TSHZ2: variants seen among roughly 807,000 people sequenced by gnomAD.
The protein encoded by TSHZ2 is teashirt zinc finger homeobox 2, also known as teashirt homolog 2.
A neutral mutation model predicts 74.4 loss-of-function variants in TSHZ2; 21 were observed. The observed-to-expected ratio is 0.28, with a 90% CI of 0.20 to 0.41. TSHZ2 has a LOEUF of 0.41. Ranked by LOEUF, TSHZ2 falls within the 10% of genes least tolerant of loss-of-function variation. The pLI is 1.00. For synonymous variants in TSHZ2, 540 were observed against 515.3 expected (o/e 1.05, Z -0.65); for missense variants, 1,244 against 1,293.5 (o/e 0.96, Z 0.59).
intron 1 of TSHZ2, among the ~76,000 whole-genome samples, chr20:53,175,327 A>G (rs886956449): frequency 1.3e-5 from 2 of 151,152 alleles, no homozygotes; most frequent in Non-Finnish European, 2.9e-5. Context: ...TTTTTAGTAG[A>G]GACTGGGTTT....
Position 53,255,710 on chromosome 20 carries a change from G to A in TSHZ2, c.2252G>A (p.Ser751Asn), listed in dbSNP as rs757282454. ...AGTCCTGCCTCCACAAGGTCAGCCA[G>A]CGTGTCCAGGCGCTACCTGTTTGAG... ...VLSPASTRSA[S>N]VSRRYLFENS... Residue 751 changes from serine (S) to asparagine (N), a missense_variant, in exon 2 of 3, where the codon AGC (serine) becomes AAC (asparagine). Ser to Asn is a conservative substitution (Grantham distance 46). This residue lies in a region of TSHZ2 where 562 missense variants were observed against 544.0 expected (regional missense o/e 1.03). Coordinates refer to ENST00000371497, the MANE Select transcript of TSHZ2 (RefSeq NM_173485.6). This position sits in a 1 kb window ranked among gnomAD's most constrained non-coding sequence, Gnocchi z 4.1. 7 of 1,605,540 alleles carry A rather than the reference G, an allele frequency of 4.4e-6. No individual in the cohort carries two copies. Among genetic ancestry groups the A allele is most frequent in the Non-Finnish European group, 5.1e-6 (6 of 1,175,946 alleles).
intron 2 of TSHZ2, among the ~76,000 whole-genome samples, chr20:53,457,904 G>A (rs1344345526): frequency 1.3e-5 from 2 of 149,690 alleles, no homozygotes; most frequent in African/African-American, 2.4e-5. Context: ...TCCCAGGGAT[G>A]AAGCCCACTT....
At chr20:53,026,509 G>A (rs536033633) in intron 1 of TSHZ2, among the ~76,000 whole-genome samples, 1 of 151,970 alleles carries the variant, frequency 6.6e-6, no homozygotes, top group East Asian at 1.9e-4. Context: ...ACATCACCAC[G>A]TCCAGCTAAT....
Position 53,254,222 on chromosome 20 carries a change from A to C in TSHZ2, c.764A>C (p.Tyr255Ser). The C allele has an allele frequency of 6.2e-7, 1 of 1,614,184 alleles. No homozygotes were observed. The highest frequency in any genetic ancestry group is 8.5e-7 in the Non-Finnish European group (1 of 1,180,028). Residue 255 changes from tyrosine to serine, a missense_variant, in exon 2 of 3, where the codon TAT becomes TCT. This residue lies in a region of TSHZ2 where 470 missense variants were observed against 456.5 expected (regional missense o/e 1.03). Coordinates refer to ENST00000371497, the MANE Select transcript of TSHZ2 (RefSeq NM_173485.6). ...RKKDKLRPTS[Y>S]SKPRKRAFQD... Reference sequence around the variant, plus strand: ...AAGGACAAGCTCAGACCCACGAGCTATTCAAAGCCCAGGAAAAGGGCTTTC... The same window carrying C: ...AAGGACAAGCTCAGACCCACGAGCTCTTCAAAGCCCAGGAAAAGGGCTTTC...
intron 2 of TSHZ2, among the ~76,000 whole-genome samples, chr20:53,384,408 C>T (rs156623): frequency 0.9 from 136,874 of 152,278 alleles, 61,717 homozygotes; most frequent in African/African-American, 0.95. Context: ...AAATTAAGAT[C>T]CGAATACAGC....
chr20:53,140,374 A>C (rs1987359776), intron 1 of TSHZ2, among the ~76,000 whole-genome samples: 1 of 151,752 alleles, frequency 6.6e-6, no homozygotes, highest in South Asian at 2.1e-4. Flanking sequence ...CCCTGTCTCT[A>C]CTAAAAATAC....
At chr20:53,101,968 G>T (rs6013629) in intron 1 of TSHZ2, among the ~76,000 whole-genome samples, 7,620 of 148,254 alleles carry the variant, frequency 0.051, 342 homozygotes, top group African/African-American at 0.12. Context: ...CTCATTGTTG[G>T]AATATCCCTA....
At chr20:53,311,884 C>T (rs994100616) in intron 2 of TSHZ2, among the ~76,000 whole-genome samples, 1 of 152,048 alleles carries the variant, frequency 6.6e-6, no homozygotes, top group East Asian at 1.9e-4. Flanking sequence ...GAGTTTGAGA[C>T]CAGCCTTGGA....
intron 1 of TSHZ2, among the ~76,000 whole-genome samples, chr20:53,196,757 G>C (rs1163363720): frequency 6.6e-6 from 1 of 152,184 alleles, no homozygotes; most frequent in African/African-American, 2.4e-5. Context: ...TAGAATTCCA[G>C]GTATTTCTAA....
At chr20:53,310,489 C>A (rs993866721) in intron 2 of TSHZ2, among the ~76,000 whole-genome samples, 1 of 152,226 alleles carries the variant, frequency 6.6e-6, no homozygotes, top group Middle Eastern at 3.2e-3. Flanking sequence ...GTCCAGGCAC[C>A]AGTTAGGTGA....
intron 1 of TSHZ2, among the ~76,000 whole-genome samples, chr20:53,058,341 C>T (rs1038857416): frequency 8.5e-5 from 13 of 152,358 alleles, no homozygotes; most frequent in African/African-American, 2.4e-4. Context: ...CCTGTCAAAA[C>T]ACAGCCAATT....
intron 2 of TSHZ2, among the ~76,000 whole-genome samples, chr20:53,371,250 A>G (rs73913712): frequency 0.055 from 8,426 of 152,232 alleles, 788 homozygotes; most frequent in African/African-American, 0.19. Context: ...ACCATGATGG[A>G]TATGACCTCT....
chr20:53,386,210 AAC>A (rs1982039621), intron 2 of TSHZ2, among the ~76,000 whole-genome samples: 1 of 152,240 alleles, frequency 6.6e-6, no homozygotes, highest in South Asian at 2.1e-4. Context: ...ACTGTTTAGA[AAC>A]ACACAGAGGG....
chr20:53,218,202 C>T (rs1451315627), intron 1 of TSHZ2, among the ~76,000 whole-genome samples: 1 of 152,216 alleles, frequency 6.6e-6, no homozygotes, highest in Non-Finnish European at 1.5e-5. Flanking sequence ...GGGCCTCTCA[C>T]CTGTGATTAG....
chr20:53,469,919 AAGGCAGGC>A (rs542838293), intron 2 of TSHZ2, among the ~76,000 whole-genome samples: 1,941 of 101,306 alleles, frequency 0.019, 51 homozygotes, highest in Middle Eastern at 0.053. Context: ...GGAAGGAAGG[AAGGCAGGC>A]AGGCAGGCAG....
chr20:53,367,891 A>G (rs1981328555), intron 2 of TSHZ2, among the ~76,000 whole-genome samples: 1 of 152,156 alleles, frequency 6.6e-6, no homozygotes, highest in African/African-American at 2.4e-5. Context: ...TCTTTTAAAT[A>G]AGCCCGTAAC....
intron 2 of TSHZ2, among the ~76,000 whole-genome samples, chr20:53,287,297 C>T (rs890049246): frequency 1.3e-5 from 2 of 152,134 alleles, no homozygotes; most frequent in African/African-American, 4.8e-5. Context: ...TGTCTGTTCT[C>T]TTGCTGGTCT....
intron 1 of TSHZ2, among the ~76,000 whole-genome samples, chr20:53,153,726 C>T (rs1987728469): frequency 6.6e-6 from 1 of 152,114 alleles, no homozygotes; most frequent in African/African-American, 2.4e-5. Context: ...GTTTGCCCAA[C>T]TGGAGCCATT....
chr20:53,260,888 T>C (rs1300030101), intron 2 of TSHZ2, among the ~76,000 whole-genome samples: 3 of 152,214 alleles, frequency 2.0e-5, no homozygotes, highest in Non-Finnish European at 2.9e-5. Flanking sequence ...AACTAATTAA[T>C]AATCCTGCAA....
Sources: allele counts gnomAD v4.1 joint callset (sites outside exome capture counted in the v4.1 genomes callset), GRCh38; gene constraint gnomAD v4.1.1; regional missense constraint gnomAD v4.1.1; non-coding constraint Gnocchi (gnomAD v3.1); transcripts MANE v1.5; gene names NCBI Gene and HGNC (gene_info 2026-07-23, HGNC 2026-07-21).